Variants in CSMD1 observed in about 807,000 individuals in gnomAD.
The protein encoded by CSMD1 is CUB and Sushi multiple domains 1.
CSMD1 carries 213 observed loss-of-function variants against 417.5 expected under a neutral mutation model. The observed-to-expected ratio is 0.51, with a 90% CI of 0.46 to 0.57. The LOEUF is 0.57. Ranked by LOEUF, CSMD1 falls within the 20% of genes least tolerant of loss-of-function variation. CSMD1 has a pLI of 0.00. For synonymous variants in CSMD1, 2,862 were observed against 1,736.8 expected, an observed-to-expected ratio of 1.65 and a Z score of -16.11; for missense variants, 6,923 against 4,529.7, an observed-to-expected ratio of 1.53 and a Z score of -15.17.
intron 38 of CSMD1, among the ~76,000 whole-genome samples, chr8:3,158,225 C>A (rs180867035): frequency 6.6e-6 from 1 of 152,088 alleles, no homozygotes; most frequent in Non-Finnish European, 1.5e-5. Context: ...GACCATAATT[C>A]GACTCAGCTC....
At chr8:3,265,924 C>T (rs973198863) in intron 26 of CSMD1, among the ~76,000 whole-genome samples, 14 of 151,884 alleles carry the variant, frequency 9.2e-5, no homozygotes, top group Admixed American at 7.9e-4. Flanking sequence ...GGAAATTCAG[C>T]ACTTGGCCAG....
At chr8:4,117,387 G>C (rs900705144) in intron 3 of CSMD1, among the ~76,000 whole-genome samples, 1 of 151,144 alleles carries the variant, frequency 6.6e-6, no homozygotes, top group Non-Finnish European at 1.5e-5. Context: ...AGGCAAAGGA[G>C]CTCCCAAGCT....
chr8:3,556,498 C>T (rs918200792), intron 10 of CSMD1, among the ~76,000 whole-genome samples: 4 of 139,998 alleles, frequency 2.9e-5, no homozygotes, highest in Admixed American at 7.3e-5. Context: ...AAACAAAATA[C>T]AAACTTCTTT....
intron 5 of CSMD1, among the ~76,000 whole-genome samples, chr8:3,778,544 G>C (rs2623657): frequency 1.1e-3 from 174 of 152,054 alleles, no homozygotes; most frequent in African/African-American, 3.5e-3. Context: ...GCCTGTGCAC[G>C]CTCTTGCCTG....
chr8:3,166,682 A>C (rs1820239337), intron 37 of CSMD1, among the ~76,000 whole-genome samples: 1 of 152,174 alleles, frequency 6.6e-6, no homozygotes. Flanking sequence ...ATAATGGGCA[A>C]ACCTATAGAA....
At chr8:4,319,739 C>T (rs965146500) in intron 3 of CSMD1, among the ~76,000 whole-genome samples, 4 of 151,262 alleles carry the variant, frequency 2.6e-5, no homozygotes, top group East Asian at 1.9e-4. Context: ...CTGAGACTTG[C>T]CGGGGGGCCA....
chr8:4,564,311 C>G (rs893736695), intron 2 of CSMD1, among the ~76,000 whole-genome samples: 1 of 152,114 alleles, frequency 6.6e-6, no homozygotes, highest in Non-Finnish European at 1.5e-5. Flanking sequence ...AAGCAGATAA[C>G]ATTTTATATA....
chr8:4,387,618 A>C (rs985251024), intron 3 of CSMD1, among the ~76,000 whole-genome samples: 11 of 141,276 alleles, frequency 7.8e-5, no homozygotes, highest in African/African-American at 2.8e-4. Flanking sequence ...AAGTATTTTT[A>C]AGAATTTAAT....
At chr8:2,997,499 T>A (rs1775625550) in intron 54 of CSMD1, among the ~76,000 whole-genome samples, 1 of 152,170 alleles carries the variant, frequency 6.6e-6, no homozygotes, top group African/African-American at 2.4e-5. Flanking sequence ...GATGTTGTAA[T>A]GGAAAGTAAT....
chr8:3,488,143 C>T (rs1274253071), intron 11 of CSMD1, among the ~76,000 whole-genome samples: 1 of 150,352 alleles, frequency 6.7e-6, no homozygotes, highest in African/African-American at 2.5e-5. Flanking sequence ...TGCTCTGTTG[C>T]TCAGGCTGGA....
chr8:4,588,974 A>G (rs917272688), intron 2 of CSMD1, among the ~76,000 whole-genome samples: 3 of 152,142 alleles, frequency 2.0e-5, no homozygotes, highest in African/African-American at 7.2e-5. Context: ...AGTACAATAT[A>G]CTATATATAA....
rs1416772750 is a variant in CSMD1 at position 4,059,957 on chromosome 8, T to A, written c.416-27858A>T. Among the ~76,000 whole-genome samples, 5 of 151,990 alleles carry A rather than the reference T, an allele frequency of 3.3e-5. No homozygotes were observed. The East Asian group carries it at 9.7e-4, about 29-fold the overall frequency. ...AACTCATTTCATGAGGCCAGCATCA[T>A]CCTGATACCAAAGCCGGGCAGAGAC... On this transcript the variant is annotated intron_variant, in intron 3 of 69. Transcript: ENST00000635120.
rs189447809 is a variant in CSMD1 at position 3,256,153 on chromosome 8, C to T, written c.4154-25922G>A. Among the ~76,000 whole-genome samples, 905 of 151,948 alleles carry T rather than the reference C, an allele frequency of 6.0e-3. 1 individual carries two copies. The highest frequency in any genetic ancestry group is 6.4e-3 in the Non-Finnish European group (438 of 67,954). ...GACCAGCCTGGCCAACATGGTGAAA[C>T]CTCCTCTGTACTAAAAATATAAAAA... On this transcript the variant is annotated intron_variant, in intron 26 of 69. Coordinates refer to ENST00000635120, the MANE Select transcript of CSMD1 (RefSeq NM_033225.6).
At chr8:3,824,819 T>A (rs554856862) in intron 5 of CSMD1, among the ~76,000 whole-genome samples, 2 of 151,944 alleles carry the variant, frequency 1.3e-5, no homozygotes, top group Non-Finnish European at 2.9e-5. Context: ...GATGAGCAAA[T>A]TGAAAAAAGG....
At chr8:4,806,044 G>A (rs942228736) in intron 1 of CSMD1, among the ~76,000 whole-genome samples, 2 of 152,242 alleles carry the variant, frequency 1.3e-5, no homozygotes, top group Middle Eastern at 3.4e-3. Context: ...ACAGTGAGAT[G>A]ACGGAAACCC....
At chr8:3,311,258 CT>C (rs745954610) in intron 23 of CSMD1, among the ~76,000 whole-genome samples, 7 of 149,526 alleles carry the variant, frequency 4.7e-5, no homozygotes, top group South Asian at 4.2e-4. Flanking sequence ...TAACAAACAA[CT>C]TTTTTTTTTG....
At chr8:3,731,842 T>C (rs1366809685) in intron 6 of CSMD1, among the ~76,000 whole-genome samples, 1 of 152,178 alleles carries the variant, frequency 6.6e-6, no homozygotes, top group African/African-American at 2.4e-5. Flanking sequence ...TGAGTGAGTT[T>C]CCATCATTAT....
chr8:3,146,258 A>T (rs7828702), intron 40 of CSMD1, among the ~76,000 whole-genome samples: 2 of 151,836 alleles, frequency 1.3e-5, no homozygotes, highest in African/African-American at 4.8e-5. Flanking sequence ...GACACTCTCA[A>T]GAAAACGGAG....
chr8:3,289,688 G>A (rs1803408551), intron 25 of CSMD1, among the ~76,000 whole-genome samples: 1 of 146,844 alleles, frequency 6.8e-6, no homozygotes, highest in African/African-American at 2.7e-5. Flanking sequence ...TTTTTTTCTT[G>A]AAAATTTGTT....
Sources: gnomAD v4.1 joint callset for allele counts (sites outside exome capture counted in the v4.1 genomes callset) on GRCh38, gnomAD v4.1.1 for gene constraint, MANE v1.5 for transcripts, NCBI Gene and HGNC (gene_info 2026-07-23, HGNC 2026-07-21) for gene names.